Variants in DPP6 observed in about 807,000 individuals in gnomAD.
DPP6 encodes the protein A-type potassium channel modulatory protein DPP6.
A neutral mutation model predicts 122.6 loss-of-function variants in DPP6; 69 were observed. The observed-to-expected ratio is 0.56, with a 90% confidence interval of 0.46 to 0.69. DPP6 has a LOEUF of 0.69. Ranked by LOEUF, DPP6 falls within the 30% of genes least tolerant of loss-of-function variation. The pLI, the probability that DPP6 is intolerant of heterozygous loss-of-function variation, is 0.00. For synonymous variants in DPP6, 418 were observed against 433.1 expected (o/e 0.97, Z 0.43); for missense variants, 928 against 1,116.9 (o/e 0.83, Z 2.41).
At chr7:154,678,885 T>G (rs985460226) in intron 7 of DPP6, among the ~76,000 whole-genome samples, 1 of 152,188 alleles carries the variant, frequency 6.6e-6, no homozygotes, top group Admixed American at 6.5e-5. Flanking sequence ...GTAGGGCTCA[T>G]GGTGGAGAGT....
intron 1 of DPP6, among the ~76,000 whole-genome samples, chr7:154,056,931 A>G (rs1425565687): frequency 6.6e-6 from 1 of 152,216 alleles, no homozygotes; most frequent in Non-Finnish European, 1.5e-5. Flanking sequence ...GATAAATGAG[A>G]AAAAGTCTAA....
At chr7:154,429,849 C>T (rs1004079533) in intron 1 of DPP6, among the ~76,000 whole-genome samples, 3 of 152,286 alleles carry the variant, frequency 2.0e-5, no homozygotes, top group Middle Eastern at 3.4e-3. Context: ...AGGTCGCGCT[C>T]GTCACAGACA....
intron 4 of DPP6, among the ~76,000 whole-genome samples, chr7:154,557,300 T>G (rs1830114984): frequency 6.6e-6 from 1 of 152,090 alleles, no homozygotes; most frequent in Non-Finnish European, 1.5e-5. Context: ...GAAAACAAAT[T>G]CTCACTGTCT....
At chr7:154,417,555 C>T (rs559812622) in intron 1 of DPP6, among the ~76,000 whole-genome samples, 1 of 152,248 alleles carries the variant, frequency 6.6e-6, no homozygotes, top group Admixed American at 6.5e-5. Flanking sequence ...TTTCCCTCCC[C>T]ACCTCCCACC....
intron 5 of DPP6, among the ~76,000 whole-genome samples, chr7:154,620,406 C>A (rs1466537036): frequency 6.6e-6 from 1 of 152,196 alleles, no homozygotes; most frequent in Non-Finnish European, 1.5e-5. Context: ...GATTAAAATT[C>A]ATCTCAAAGG....
intron 1 of DPP6, among the ~76,000 whole-genome samples, chr7:153,920,761 A>G (rs1189986289): frequency 2.0e-5 from 3 of 151,882 alleles, no homozygotes; most frequent in African/African-American, 7.3e-5. Context: ...GGGTTTCACC[A>G]TGTTGGCCAG....
At chr7:153,894,142 C>T (rs1799313850) in intron 1 of DPP6, among the ~76,000 whole-genome samples, 1 of 152,128 alleles carries the variant, frequency 6.6e-6, no homozygotes, top group African/African-American at 2.4e-5. Context: ...TGGGGACTGC[C>T]CTGTGACCCT....
chr7:154,250,615 A>G (rs1168957033), intron 1 of DPP6, among the ~76,000 whole-genome samples: 1 of 152,222 alleles, frequency 6.6e-6, no homozygotes, highest in African/African-American at 2.4e-5. Context: ...TTTCCCAAAG[A>G]TGAATTCAGA....
intron 1 of DPP6, among the ~76,000 whole-genome samples, chr7:154,289,144 G>T (rs1351671610): frequency 6.6e-6 from 1 of 152,204 alleles, no homozygotes; most frequent in Non-Finnish European, 1.5e-5. Flanking sequence ...GGGGATGCTG[G>T]TGAAGGTAAA....
Position 154,222,351 on chromosome 7 carries a change from C to A in DPP6, c.243+169288C>A, listed in dbSNP as rs543279890. Among the ~76,000 whole-genome samples the A allele has an allele frequency of 1.8e-4, 27 of 152,236 alleles. No individual in the cohort carries two copies. The South Asian group carries it at 5.0e-3, about 28-fold the overall frequency. ...TTGAGGTGGGCATAAAAGAAATGAG[C>A]AGATGAAAATAATCTGCTTTGTAGC... On this transcript the variant is annotated intron_variant, in intron 1 of 25. Transcript: ENST00000377770.
chr7:154,351,297 G>A (rs1470691603), intron 1 of DPP6, among the ~76,000 whole-genome samples: 1 of 152,058 alleles, frequency 6.6e-6, no homozygotes, highest in Non-Finnish European at 1.5e-5. Flanking sequence ...AGTAGAGGCG[G>A]GATCCCACAG....
intron 1 of DPP6, among the ~76,000 whole-genome samples, chr7:154,188,320 A>C (rs1419247568): frequency 2.6e-5 from 4 of 152,162 alleles, no homozygotes; most frequent in Non-Finnish European, 5.9e-5. Context: ...TTTCCCCCCC[A>C]AATATATTTG....
At chr7:153,814,196 G>C in the DPP6 span, among the ~76,000 whole-genome samples, 3 of 151,866 alleles carry the variant, frequency 2.0e-5, no homozygotes, top group East Asian at 5.8e-4. Flanking sequence ...CAACAAAATT[G>C]ATAGACCACT....
chr7:154,597,701 G>A (rs933153785), intron 5 of DPP6, among the ~76,000 whole-genome samples: 1 of 152,132 alleles, frequency 6.6e-6, no homozygotes, highest in Non-Finnish European at 1.5e-5. Context: ...AAAATGTATT[G>A]TCTCACGGTT....
chr7:153,840,308 A>AT, the DPP6 span, among the ~76,000 whole-genome samples: 2 of 152,154 alleles, frequency 1.3e-5, no homozygotes, highest in African/African-American at 4.8e-5. Flanking sequence ...TGTAGAAAGG[A>AT]TTTTTTATAT....
intron 6 of DPP6, among the ~76,000 whole-genome samples, chr7:154,667,882 T>G (rs1838265732): frequency 6.6e-6 from 1 of 151,942 alleles, no homozygotes; most frequent in Non-Finnish European, 1.5e-5. Context: ...CACTCTACCC[T>G]CAGGCTTCCT....
At position 154,052,535 on chromosome 7, in the gene DPP6, A is replaced by T. The variant is rs1204180986; in HGVS notation, c.-286A>T. On this transcript the variant is annotated 5_prime_UTR_variant, in exon 1 of 26. Coordinates refer to ENST00000377770, the MANE Select transcript of DPP6 (RefSeq NM_130797.4). The surrounding 1 kb of genome is among the most constrained non-coding windows in gnomAD (Gnocchi z 4.8). The stretch of plus-strand genomic sequence containing the variant: ...GCTGTGGCAAGGAGTTGGGGAAAAA[A>T]ATTATAAAAACAGGAAAGAGAGAAA... The T allele has an allele frequency of 3.2e-6, 3 of 936,628 alleles. No homozygotes were observed. The highest frequency in any genetic ancestry group is 6.9e-5 in the East Asian group (1 of 14,460). The allele number at this position is 936,628 out of a possible 1,614,324, so 58.0% of individuals were successfully genotyped here.
chr7:154,140,444 G>T (rs1395647702), intron 1 of DPP6, among the ~76,000 whole-genome samples: 2 of 151,876 alleles, frequency 1.3e-5, no homozygotes, highest in Non-Finnish European at 2.9e-5. Context: ...CTTCTCTTAG[G>T]AATCCATTTT....
chr7:153,902,329 A>G (rs536598907), intron 1 of DPP6, among the ~76,000 whole-genome samples: 1 of 152,318 alleles, frequency 6.6e-6, no homozygotes, highest in East Asian at 1.9e-4. Context: ...AAAGCCTCTC[A>G]TATCTTCATG....
Sources: allele counts gnomAD v4.1 joint callset (sites outside exome capture counted in the v4.1 genomes callset), GRCh38; gene constraint gnomAD v4.1.1; non-coding constraint Gnocchi (gnomAD v3.1); transcripts MANE v1.5; gene names NCBI Gene and HGNC (gene_info 2026-07-23, HGNC 2026-07-21).